The following OPA1 variants were observed in gnomAD, a reference collection of about 807,000 sequenced individuals.
OPA1 encodes the protein OPA1 mitochondrial dynamin like GTPase, also known as dynamin-like GTPase OPA1, mitochondrial.
OPA1 carries 59 observed loss-of-function variants against 152.9 expected under a neutral mutation model. The observed-to-expected ratio is 0.39, with a 90% CI of 0.31 to 0.48. The LOEUF is 0.48. Among genes scored for constraint, OPA1 ranks in the 20% least tolerant of loss-of-function variants. OPA1 has a pLI of 0.96. For synonymous variants in OPA1, 400 were observed against 389.9 expected (o/e 1.03, Z -0.31); for missense variants, 1,008 against 1,216.8 (o/e 0.83, Z 2.55).
intron 21 of OPA1, among the ~76,000 whole-genome samples, chr3:193,651,879 A>G (rs1486546985): frequency 6.6e-6 from 1 of 151,046 alleles, no homozygotes; most frequent in African/African-American, 2.4e-5. Flanking sequence ...AAATTATTAT[A>G]TGGAGTATAA....
chr3:193,665,465 C>CT (rs1473657824), intron 27 of OPA1, among the ~76,000 whole-genome samples: 6 of 152,074 alleles, frequency 3.9e-5, no homozygotes, highest in Admixed American at 1.3e-4. Flanking sequence ...TTTTATCATG[C>CT]TTTTTTCAGG....
intron 6 of OPA1, among the ~76,000 whole-genome samples, chr3:193,623,538 A>G (rs540091175): frequency 6.6e-6 from 1 of 152,206 alleles, no homozygotes; most frequent in East Asian, 1.9e-4. Context: ...GAGATGAGAG[A>G]TTGAGATCTG....
chr3:193,617,376 A>G, intron 4 of OPA1, 91 bp downstream of exon 4: 1 of 773,174 alleles, frequency 1.3e-6, no homozygotes, highest in Non-Finnish European at 2.2e-6. Flanking sequence ...TTTTTTTAAA[A>G]TTAAAATATT....
chr3:193,626,270 C>A, intron 7 of OPA1, 68 bp downstream of exon 7: 1 of 1,077,524 alleles, frequency 9.3e-7, no homozygotes, highest in Non-Finnish European at 1.4e-6. Context: ...AAGATCATGT[C>A]ACCTCAATCT....
At chr3:193,630,771 A>T (rs757791439) in intron 7 of OPA1, among the ~76,000 whole-genome samples, 3 of 152,200 alleles carry the variant, frequency 2.0e-5, no homozygotes, top group Non-Finnish European at 4.4e-5. Flanking sequence ...ATGTGAATTC[A>T]TCATAAATCA....
At chr3:193,685,087 G>A (rs1382774700) in intron 29 of OPA1, among the ~76,000 whole-genome samples, 1 of 152,002 alleles carries the variant, frequency 6.6e-6, no homozygotes, top group Non-Finnish European at 1.5e-5. Context: ...GGATCACGAG[G>A]TCAGGAGTTT....
chr3:193,632,505 T>C (rs2101341), intron 8 of OPA1, among the ~76,000 whole-genome samples: 76,342 of 151,838 alleles, frequency 0.5, 19,646 homozygotes, highest in African/African-American at 0.59. Context: ...GTTACCCTAT[T>C]ACTCAATCAT....
intron 1 of OPA1, among the ~76,000 whole-genome samples, chr3:193,604,382 A>G (rs1343458558): frequency 6.6e-6 from 1 of 152,148 alleles, no homozygotes; most frequent in Admixed American, 6.6e-5. Context: ...GAGCTCATAC[A>G]GTGGTGAAGC....
In OPA1 at chr3:193,617,833, G is replaced by C; in HGVS notation, c.606G>C (p.Leu202Phe). 1 of 1,610,660 alleles carries C rather than the reference G, an allele frequency of 6.2e-7. No individual in the cohort carries two copies. Residue 202 changes from leucine (L) to phenylalanine (F), a missense_variant, in exon 5 of 31, where the codon TTG becomes TTC. Leu to Phe is a conservative substitution (Grantham distance 22). This residue lies in a region of OPA1 where 408 missense variants were observed against 395.1 expected (regional missense o/e 1.03). Coordinates refer to ENST00000361510, the MANE Select transcript of OPA1 (RefSeq NM_130837.3). ...TAGGAGCTTCTGACCTACTTCTCTT[G>C]TTAGGTGTGTAAACAGACATTTTTG... is the stretch of plus-strand genomic sequence containing the variant. ...EVIGASDLLL[L>F]LGSPEETAFR... is the part of the protein sequence containing the mutation.
chr3:193,597,788 T>C (rs564740095), intron 1 of OPA1, among the ~76,000 whole-genome samples: 24 of 152,058 alleles, frequency 1.6e-4, no homozygotes, highest in Admixed American at 1.4e-3. Flanking sequence ...TTTTTCCCCC[T>C]TTTAAGATGA....
At position 193,648,327 on chromosome 3, in the gene OPA1, A is replaced by C. The variant is rs536960141; in HGVS notation, c.1935+193A>C. ...TAAATTATTTATTATATAACATTAA[A>C]AATGGATTATAAGATGTCAAAACAA... is the stretch of plus-strand genomic sequence containing the variant. On this transcript the variant is annotated intron_variant, in intron 20 of 30. Transcript: ENST00000361510. 36 of 510,964 alleles carry C rather than the reference A, an allele frequency of 7.0e-5. 1 individual carries two copies. The highest frequency in any genetic ancestry group is 1.1e-3 in the Middle Eastern group (2 of 1,858). The allele number at this position is 510,964 out of a possible 1,614,324, so 31.7% of individuals were successfully genotyped here. A position where few individuals can be genotyped will look rare whatever the true frequency, so the allele number is the denominator to read the frequency against.
chr3:193,696,944 A>G lies in OPA1; in HGVS notation c.*2344A>G, dbSNP rs1056392. The G allele has an allele frequency of 0.35, 53,103 of 152,082 alleles. 9,421 individuals carry two copies. Among genetic ancestry groups the G allele is most frequent in the South Asian group, 0.35 (1,690 of 4,820 alleles). The allele number at this position is 152,082 out of a possible 1,614,324, so 9.4% of individuals were successfully genotyped here. A position where few individuals can be genotyped will look rare whatever the true frequency, so the allele number is the denominator to read the frequency against. The stretch of plus-strand genomic sequence containing the variant: ...GCTATAGTTGCGGGTGGAACAGTCA[A>G]CCTTTCTAGTAGTTTATGATATTGC... On this transcript the variant is annotated 3_prime_UTR_variant, in exon 31 of 31. Transcript: ENST00000361510.
chr3:193,667,368 C>G (rs754243398), intron 29 of OPA1, 88 bp downstream of exon 29: 2 of 806,658 alleles, frequency 2.5e-6, no homozygotes, highest in East Asian at 5.1e-5. Context: ...CTCAAACTTA[C>G]AGAAAAGTTA....
rs1426601475 is a variant in OPA1, at chr3:193,604,773, T to A, written c.33-9950T>A. On this transcript the variant is annotated intron_variant, in intron 1 of 30. Transcript: ENST00000361510. ...TACTCGGGAGGCTGAGGCAGGAGAA[T>A]CGCTTGAACCCAGGAGGCAGAGGTT... 4.7e-5 allele frequency among the ~76,000 whole-genome samples: 7 copies of A among 147,422 alleles called. No individual in the cohort carries two copies. The Admixed American group carries it at 4.8e-4, about 10-fold the overall frequency.
chr3:193,650,956 A>G (rs985754510), intron 21 of OPA1, among the ~76,000 whole-genome samples: 1 of 152,176 alleles, frequency 6.6e-6, no homozygotes, highest in Non-Finnish European at 1.5e-5. Context: ...AAGATTTGCA[A>G]TATCATAATT....
intron 29 of OPA1, among the ~76,000 whole-genome samples, chr3:193,669,544 A>G (rs1167530205): frequency 1.3e-5 from 2 of 152,164 alleles, no homozygotes; most frequent in Non-Finnish European, 2.9e-5. Context: ...CAGGATTGTT[A>G]GAATTACTTC....
intron 29 of OPA1, among the ~76,000 whole-genome samples, chr3:193,674,264 C>T (rs544556496): frequency 1.6e-4 from 24 of 152,302 alleles, no homozygotes; most frequent in Non-Finnish European, 3.2e-4. Context: ...AAAGATACCA[C>T]CTTTTTATTT....
Position 193,685,937 on chromosome 3 carries a change from A to T in OPA1, c.2984-6126A>T, listed in dbSNP as rs573071178. ...TTATGAGGTTAACGGCGAATACAAC[A>T]TTGTCATATATTTTAAATGACACAC... is the stretch of plus-strand genomic sequence containing the variant. On this transcript the variant is annotated intron_variant, in intron 29 of 30. Coordinates refer to ENST00000361510, the MANE Select transcript of OPA1 (RefSeq NM_130837.3). 9.8e-5 allele frequency among the ~76,000 whole-genome samples: 15 copies of T among 152,328 alleles called. No individual in the cohort carries two copies. The East Asian group carries it at 2.9e-3, about 29-fold the overall frequency.
At position 193,618,947 on chromosome 3, in the gene OPA1, AAG is replaced by A. The variant is rs1270702730; in HGVS notation, c.678+15_678+16del. The A allele has an allele frequency of 1.8e-5, 29 of 1,606,690 alleles. No individual in the cohort carries two copies. The highest frequency in any genetic ancestry group is 3.3e-4 in the Middle Eastern group (2 of 6,072). On this transcript the variant is annotated intron_variant, in intron 6 of 30. Transcript: ENST00000361510. Reference sequence around the variant, plus strand: ...AAGCATTTTAGAAAGGTAAGTGTAAAAGAGAATTGTTCATGTAGGTAGTCTTG... The same window carrying A: ...AAGCATTTTAGAAAGGTAAGTGTAAAAGAATTGTTCATGTAGGTAGTCTTG...
Sources: gnomAD v4.1 joint callset for allele counts (sites outside exome capture counted in the v4.1 genomes callset) on GRCh38, gnomAD v4.1.1 for gene constraint, gnomAD v4.1.1 regional missense constraint, MANE v1.5 for transcripts, NCBI Gene and HGNC (gene_info 2026-07-23, HGNC 2026-07-21) for gene names.